The following LSM2 variants were observed in gnomAD, a reference collection of about 807,000 sequenced individuals.
LSM2 encodes LSM2 homolog, U6 small nuclear RNA and mRNA degradation associated, also known as U6 snRNA-associated Sm-like protein LSm2.
LSM2 carries 12 observed loss-of-function variants against 17.0 expected under a neutral mutation model. That is an observed-to-expected ratio of 0.70 (90% CI 0.45 to 1.14). LSM2 has a LOEUF of 1.14. Among genes scored for constraint, LSM2 ranks in the 50% most tolerant of loss-of-function variants. LSM2 has a pLI of 0.00. For missense variants in LSM2, 62 were observed against 111.8 expected (o/e 0.55, Z 2.01); for synonymous variants, 42 against 44.5 (o/e 0.94, Z 0.22).
Position 31,797,883 on chromosome 6 carries a change from C to T in LSM2, c.163-1G>A. 2 of 1,613,026 alleles carry T rather than the reference C, an allele frequency of 1.2e-6. No individual in the cohort carries two copies. The highest frequency in any genetic ancestry group is 1.7e-6 in the Non-Finnish European group (2 of 1,180,020). ...GAATGAAGCAGTTCTTCACTGATAA[C>T]TAGACAAAGATGGACAAATATGAAA... On this transcript the variant is annotated splice_acceptor_variant, in intron 4 of 4. Transcript: ENST00000375661. LOFTEE classifies it high-confidence loss of function.
intron 2 of LSM2, among the ~76,000 whole-genome samples, chr6:31,804,448 A>G (rs1814887551): frequency 6.6e-6 from 1 of 152,164 alleles, no homozygotes; most frequent in Admixed American, 6.5e-5. Flanking sequence ...AACAAGTGGT[A>G]TAGCTGATCT....
rs2151446797 is a variant in LSM2 at position 31,801,419 on chromosome 6, G to A, written c.72-2912C>T. On this transcript the variant is annotated intron_variant, in intron 2 of 4. Coordinates refer to ENST00000375661, the MANE Select transcript of LSM2 (RefSeq NM_021177.5). ...AGCAGTGAAATAACATTTGGGAATT[G>A]TACAAAGTGGTGTCATTTTATTAAG... Among the ~76,000 whole-genome samples the A allele has an allele frequency of 2.0e-5, 3 of 152,262 alleles. No homozygotes were observed. In the South Asian group the frequency reaches 6.2e-4, roughly 32 times the overall value.
rs916347200 is a variant in LSM2 at position 31,804,364 on chromosome 6, A to T, written c.71+1711T>A. ...GACAGACTGAAACTCCATCTCAAAA[A>T]AAAAAAAAAAGAAAGAAAAAAAGCT... On this transcript the variant is annotated intron_variant, in intron 2 of 4. Coordinates refer to ENST00000375661, the MANE Select transcript of LSM2 (RefSeq NM_021177.5). Among the ~76,000 whole-genome samples, 2 of 151,982 alleles carry T rather than the reference A, an allele frequency of 1.3e-5. 1 individual carries two copies. The highest frequency in any genetic ancestry group is 3.8e-4 in the East Asian group (2 of 5,200).
At chr6:31,801,521 G>A (rs140990450) in intron 2 of LSM2, among the ~76,000 whole-genome samples, 8 of 152,306 alleles carry the variant, frequency 5.3e-5, no homozygotes, top group African/African-American at 1.2e-4. Flanking sequence ...TTGGCCAGGC[G>A]TGGTGGCTCA....
intron 2 of LSM2, among the ~76,000 whole-genome samples, chr6:31,801,662 G>A (rs143192176): frequency 2.5e-3 from 378 of 152,136 alleles, no homozygotes; most frequent in African/African-American, 4.4e-3. Flanking sequence ...TGGGAGTGGT[G>A]GCATGCACCG....
At chr6:31,801,612 T>C (rs1056313776) in intron 2 of LSM2, among the ~76,000 whole-genome samples, 3 of 149,082 alleles carry the variant, frequency 2.0e-5, no homozygotes, top group Admixed American at 2.0e-4. Context: ...CTGGCCAACA[T>C]GGTGAAACCC....
Position 31,797,634 on chromosome 6 carries a change from C to T in LSM2, c.*123G>A. On this transcript the variant is annotated 3_prime_UTR_variant, in exon 5 of 5. Coordinates refer to ENST00000375661, the MANE Select transcript of LSM2 (RefSeq NM_021177.5). ...CATCCACTCATCCCTTAAAAAAAAC[C>T]CACAAAACCATCATTAGTAAAAAAA... The T allele has an allele frequency of 1.4e-6, 2 of 1,444,678 alleles. No homozygotes were observed. The highest frequency in any genetic ancestry group is 1.9e-6 in the Non-Finnish European group (2 of 1,060,302). The allele number at this position is 1,444,678 out of a possible 1,614,324, so 89.5% of individuals were successfully genotyped here.
At chr6:31,800,675 C>T (rs960726036) in intron 2 of LSM2, among the ~76,000 whole-genome samples, 1 of 152,118 alleles carries the variant, frequency 6.6e-6, no homozygotes, top group Non-Finnish European at 1.5e-5. Context: ...ATCACGAGGT[C>T]AGGAGATCGA....
chr6:31,806,180 G>A (rs1421343678), intron 1 of LSM2, 38 bp from the exon 2 acceptor site: 9 of 1,589,446 alleles, frequency 5.7e-6, no homozygotes, highest in African/African-American at 2.7e-5. Flanking sequence ...ATGTGGGAAG[G>A]AGCATGGTAG....
intron 3 of LSM2, 89 bp from the exon 4 acceptor site, chr6:31,798,138 A>G (rs887694896): frequency 6.6e-6 from 8 of 1,203,870 alleles, no homozygotes; most frequent in Non-Finnish European, 9.0e-6. Flanking sequence ...CTGGAGTGCA[A>G]TGGTGCCATC....
At chr6:31,799,594 G>C (rs1239731820) in intron 2 of LSM2, among the ~76,000 whole-genome samples, 1 of 150,532 alleles carries the variant, frequency 6.6e-6, no homozygotes, top group Non-Finnish European at 1.5e-5. Flanking sequence ...CTGACCTCAT[G>C]ATCTGCCCAC....
Position 31,806,803 on chromosome 6 carries a change from G to A in LSM2, c.-46C>T. 1.2e-6 allele frequency: 2 copies of A among 1,600,790 alleles called. No individual in the cohort carries two copies. The highest frequency in any genetic ancestry group is 1.7e-6 in the Non-Finnish European group (2 of 1,175,164). The stretch of plus-strand genomic sequence containing the variant: ...CGGGCCGGACCGGGAAGACAGCAGG[G>A]TGCTGCGAGCAGGTCTGGGGAAACC... On this transcript the variant is annotated 5_prime_UTR_variant, in exon 1 of 5. Coordinates refer to ENST00000375661, the MANE Select transcript of LSM2 (RefSeq NM_021177.5).
chr6:31,801,336 A>G lies in LSM2; in HGVS notation c.72-2829T>C, dbSNP rs1446211738. On this transcript the variant is annotated intron_variant, in intron 2 of 4. Transcript: ENST00000375661. ...AGTATCTGAAACCCACTGCCTCAGT[A>G]ATGTTCTCACCATATTGCTAGCTGC... is the stretch of plus-strand genomic sequence containing the variant. 3.9e-5 allele frequency among the ~76,000 whole-genome samples: 6 copies of G among 152,178 alleles called. 1 individual carries two copies. The highest frequency in any genetic ancestry group is 1.3e-4 in the Admixed American group (2 of 15,264).
intron 4 of LSM2, 53 bp from the exon 5 acceptor site, chr6:31,797,935 C>G: frequency 2.5e-6 from 4 of 1,612,194 alleles, no homozygotes; most frequent in South Asian, 1.1e-5. Context: ...CCTCTAACCA[C>G]CCAGGGGCCT....
chr6:31,798,329 C>G, intron 3 of LSM2, 148 bp downstream of exon 3: 2 of 936,064 alleles, frequency 2.1e-6, no homozygotes, highest in Admixed American at 2.6e-5. Context: ...GCCTCGGCCT[C>G]TCAAAGTGCT....
chr6:31,798,100 G>C, intron 3 of LSM2, 51 bp from the exon 4 acceptor site: 1 of 1,388,788 alleles, frequency 7.2e-7, no homozygotes, highest in Non-Finnish European at 9.6e-7. Context: ...TTTTTTTTGA[G>C]ACAAGAGTTT....
In LSM2 at chr6:31,798,463, G is replaced by T. The variant is rs759213439; in HGVS notation, c.102+14C>A. On this transcript the variant is annotated intron_variant, in intron 3 of 4. Coordinates refer to ENST00000375661, the MANE Select transcript of LSM2 (RefSeq NM_021177.5). ...TCTCCAGGAACCAATTCTGGGGCCC[G>T]TGCTATATCTCACCTGATCCACAGA... 6.2e-7 allele frequency: 1 copy of T among 1,612,846 alleles called. No homozygotes were observed.
chr6:31,806,100 C>G lies in LSM2; in HGVS notation c.46G>C (p.Val16Leu). Residue 16 changes from valine to leucine, a missense_variant, in exon 2 of 5, where the codon GTC becomes CTC. Val to Leu is a conservative substitution (Grantham distance 32). Coordinates refer to ENST00000375661, the MANE Select transcript of LSM2 (RefSeq NM_021177.5). Reference protein sequence around the residue: ...FFKSLVGKDVVVELKNDLSIC... With the variant: ...FFKSLVGKDVLVELKNDLSIC... ...CTCAGGTCATTCTTTAGTTCCACGA[C>G]CACATCCTTGCCCACAAGGGACTTG... is the stretch of plus-strand genomic sequence containing the variant. 1 of 1,612,962 alleles carries G rather than the reference C, an allele frequency of 6.2e-7. No homozygotes were observed. The highest frequency in any genetic ancestry group is 8.5e-7 in the Non-Finnish European group (1 of 1,179,928).
intron 3 of LSM2, 53 bp downstream of exon 3, chr6:31,798,424 G>T (rs1311977304): frequency 1.2e-6 from 2 of 1,605,056 alleles, no homozygotes; most frequent in East Asian, 4.5e-5. Flanking sequence ...CAACCCTTAA[G>T]TCTCCCCTCT....
Sources: allele counts gnomAD v4.1 joint callset (sites outside exome capture counted in the v4.1 genomes callset), GRCh38; gene constraint gnomAD v4.1.1; transcripts MANE v1.5; gene names NCBI Gene and HGNC (gene_info 2026-07-23, HGNC 2026-07-21).